ARHGAP22: variants seen among roughly 807,000 people sequenced by gnomAD.
ARHGAP22 encodes the protein Rho GTPase activating protein 22.
ARHGAP22 carries 48 observed loss-of-function variants against 59.1 expected under a neutral mutation model. The ratio of observed to expected loss-of-function variants is 0.81; its 90% CI spans 0.64 to 1.03. The LOEUF (loss-of-function observed/expected upper bound fraction) is 1.03. Ranked by LOEUF, ARHGAP22 falls within the 50% of genes least tolerant of loss-of-function variation. The pLI is 0.00. For synonymous variants in ARHGAP22, 445 were observed against 416.4 expected (o/e 1.07, Z -0.84); for missense variants, 1,015 against 958.7 (o/e 1.06, Z -0.78).
At chr10:48,538,783 T>C (rs1169619121) in intron 3 of ARHGAP22, among the ~76,000 whole-genome samples, 1 of 152,154 alleles carries the variant, frequency 6.6e-6, no homozygotes, top group African/African-American at 2.4e-5. Context: ...ATGATAGAAA[T>C]CTTCACTCTG....
At chr10:48,600,969 T>C (rs982448403) in intron 1 of ARHGAP22, among the ~76,000 whole-genome samples, 6 of 152,222 alleles carry the variant, frequency 3.9e-5, no homozygotes, top group African/African-American at 1.4e-4. Flanking sequence ...CACCCTTCCA[T>C]GAGCAGTTCT....
chr10:48,444,793 C>T (rs1385599076), downstream of ARHGAP22: 2 of 152,364 alleles, frequency 1.3e-5, no homozygotes, highest in South Asian at 2.1e-4. Context: ...GATAATAGGG[C>T]CAATTTTCTA....
intron 3 of ARHGAP22, among the ~76,000 whole-genome samples, chr10:48,524,473 C>CGCCACGGGGGT (rs2054144639): frequency 6.6e-6 from 1 of 151,954 alleles, no homozygotes; most frequent in Non-Finnish European, 1.5e-5. Context: ...CGCCAGGGGG[C>CGCCACGGGGGT]GCCACGGAGC....
intron 3 of ARHGAP22, among the ~76,000 whole-genome samples, chr10:48,529,942 T>C (rs1478666558): frequency 2.6e-5 from 4 of 152,116 alleles, no homozygotes; most frequent in African/African-American, 9.7e-5. Flanking sequence ...TCAACTTATA[T>C]AAAAATCAAC....
At chr10:48,600,016 GT>G (rs1326844919) in intron 1 of ARHGAP22, among the ~76,000 whole-genome samples, 1 of 152,172 alleles carries the variant, frequency 6.6e-6, no homozygotes, top group African/African-American at 2.4e-5. Context: ...TCAGAGTCTT[GT>G]GTTTAAGCTG....
rs372182117 is a variant in ARHGAP22, at chr10:48,456,700, C to T, written c.660-1566G>A. 6.8e-4 allele frequency among the ~76,000 whole-genome samples: 103 copies of T among 152,170 alleles called. 1 individual carries two copies. The highest frequency in any genetic ancestry group is 2.4e-3 in the African/African-American group (98 of 41,526). ...CCTGGGTGAGTGGACACAGAGCCAC[C>T]CCTCCTCTGCAGACCTGCCCGGCTG... is the stretch of plus-strand genomic sequence containing the variant. On this transcript the variant is annotated intron_variant, in intron 5 of 9. Coordinates refer to ENST00000249601, the MANE Select transcript of ARHGAP22 (RefSeq NM_021226.4).
chr10:48,446,674 C>T, intron 9 of ARHGAP22, 55 bp from the exon 10 acceptor site: 1 of 1,529,406 alleles, frequency 6.5e-7, no homozygotes, highest in Non-Finnish European at 8.9e-7. Flanking sequence ...GTTCACTGTC[C>T]CATGGGTATA....
intron 3 of ARHGAP22, among the ~76,000 whole-genome samples, chr10:48,547,807 G>T (rs17010627): frequency 6.6e-6 from 1 of 152,212 alleles, no homozygotes; most frequent in African/African-American, 2.4e-5. Context: ...AAGGCATCCC[G>T]TCCTGGCCCC....
intron 3 of ARHGAP22, among the ~76,000 whole-genome samples, chr10:48,496,310 A>G (rs1324315807): frequency 1.3e-5 from 2 of 152,108 alleles, no homozygotes; most frequent in Non-Finnish European, 2.9e-5. Context: ...CTCTTCCTGT[A>G]CCAATAAAGA....
At chr10:48,505,718 C>T (rs191610536) in intron 3 of ARHGAP22, among the ~76,000 whole-genome samples, 25 of 152,262 alleles carry the variant, frequency 1.6e-4, no homozygotes, top group Admixed American at 8.5e-4. Flanking sequence ...TGTGTTCAGA[C>T]GGCTTCTCCT....
chr10:48,451,078 C>A lies in ARHGAP22; in HGVS notation c.1051G>T (p.Ala351Ser). The change falls in exon 9 of 10, where the codon GCA becomes TCA. Residue 351 changes from alanine (A) to serine (S), a missense_variant. Ala to Ser is a moderately conservative substitution (Grantham distance 99, BLOSUM62 1). Transcript: ENST00000249601. The stretch of plus-strand genomic sequence containing the variant: ...GAGGTGGGCCCTTCCGGGACCGGTG[C>A]CGTGAAGAGCTGGCTGTGTTTGCGG... ...LIRKHSQLFT[A>S]PVPEGPTSPR... 6.4e-7 allele frequency: 1 copy of A among 1,552,584 alleles called. No homozygotes were observed. Among genetic ancestry groups the A allele is most frequent in the Admixed American group, 2.0e-5 (1 of 51,236 alleles).
At chr10:48,456,474 G>A (rs752508740) in intron 5 of ARHGAP22, among the ~76,000 whole-genome samples, 2 of 152,098 alleles carry the variant, frequency 1.3e-5, no homozygotes, top group African/African-American at 4.8e-5. Flanking sequence ...GCCTTCTCCC[G>A]GGCCATGTTC....
At chr10:48,574,897 G>A (rs144922310) in intron 2 of ARHGAP22, 16 of 152,292 alleles carry the variant, frequency 1.1e-4, no homozygotes, top group Non-Finnish European at 1.9e-4. Flanking sequence ...GGGAAGGAGC[G>A]TGATATGGTT....
Position 48,446,536 on chromosome 10 carries a change from A to T in ARHGAP22, c.1952T>A (p.Met651Lys). Residue 651 changes from methionine (M) to lysine (K), a missense_variant, in exon 10 of 10, where the codon ATG becomes AAG. Coordinates refer to ENST00000249601, the MANE Select transcript of ARHGAP22 (RefSeq NM_021226.4). The part of the protein sequence containing the change: ...ELDQEKKKYI[M>K]LEIKLRNSER... Reference sequence around the variant, plus strand: ...AGAGTTCCGCAGCTTTATTTCCAGCATGATGTATTTTTTCTTTTCCTGGTC... The same window carrying T: ...AGAGTTCCGCAGCTTTATTTCCAGCTTGATGTATTTTTTCTTTTCCTGGTC... The T allele has an allele frequency of 6.2e-7, 1 of 1,614,150 alleles. No individual in the cohort carries two copies. The highest frequency in any genetic ancestry group is 8.5e-7 in the Non-Finnish European group (1 of 1,180,026).
chr10:48,652,379 G>T, exon 1 of ARHGAP22: 1 of 1,030,260 alleles, frequency 9.7e-7, no homozygotes, highest in Non-Finnish European at 1.5e-6. Context: ...CTGTTTTCCA[G>T]TAACAGGAGA....
intron 1 of ARHGAP22, among the ~76,000 whole-genome samples, chr10:48,646,317 G>T (rs1338236903): frequency 6.6e-6 from 1 of 152,158 alleles, no homozygotes; most frequent in Non-Finnish European, 1.5e-5. Context: ...AACATTTTAT[G>T]GGGTGGAGAA....
chr10:48,446,751 T>C (rs1322659499), intron 9 of ARHGAP22, 132 bp from the exon 10 acceptor site: 1 of 851,754 alleles, frequency 1.2e-6, no homozygotes, highest in South Asian at 1.8e-5. Context: ...AAACCCTGGC[T>C]CATCTGCTCC....
At chr10:48,518,560 G>A (rs2053515653) in intron 3 of ARHGAP22, among the ~76,000 whole-genome samples, 1 of 152,194 alleles carries the variant, frequency 6.6e-6, no homozygotes. Flanking sequence ...AATGAGGGAA[G>A]CAAAAGCAGG....
the ARHGAP22 span, among the ~76,000 whole-genome samples, chr10:48,439,899 C>T: frequency 4.6e-5 from 7 of 152,304 alleles, no homozygotes; most frequent in African/African-American, 1.7e-4. Flanking sequence ...ACTCACACTG[C>T]CCTCCTCTGA....
Sources: gnomAD v4.1 joint callset for allele counts (sites outside exome capture counted in the v4.1 genomes callset) on GRCh38, gnomAD v4.1.1 for gene constraint, MANE v1.5 for transcripts, NCBI Gene and HGNC (gene_info 2026-07-23, HGNC 2026-07-21) for gene names.